MBD5: variants seen among roughly 807,000 people sequenced by gnomAD.
MBD5 encodes the protein methyl-CpG binding domain protein 5, also known as methyl-CpG-binding domain protein 5.
Under a neutral mutation model 117.3 loss-of-function variants are expected in MBD5, and 13 were observed. The observed-to-expected ratio is 0.11, with a 90% CI of 0.07 to 0.18. The LOEUF is 0.18. MBD5 is among the 10% of genes least tolerant of loss of function. The pLI, the probability that MBD5 is intolerant of heterozygous loss-of-function variation, is 1.00. For missense variants in MBD5, 1,879 were observed against 2,093.8 expected, an observed-to-expected ratio of 0.90 and a Z score of 2.00; for synonymous variants, 727 against 766.4, an observed-to-expected ratio of 0.95 and a Z score of 0.85.
At chr2:148,231,499 G>A (rs567441970) in intron 2 of MBD5, among the ~76,000 whole-genome samples, 25 of 152,222 alleles carry the variant, frequency 1.6e-4, no homozygotes, top group African/African-American at 5.8e-4. Context: ...TGAAGTTAAA[G>A]CCAGGTACTG....
intron 1 of MBD5, among the ~76,000 whole-genome samples, chr2:148,176,295 TAG>T (rs1362270059): frequency 6.8e-6 from 1 of 147,444 alleles, no homozygotes; most frequent in Non-Finnish European, 1.5e-5. Flanking sequence ...CTCTGTTTAT[TAG>T]AGTTTTGTTT....
chr2:148,057,861 G>C (rs1376885020), intron 1 of MBD5, among the ~76,000 whole-genome samples: 1 of 128,504 alleles, frequency 7.8e-6, no homozygotes, highest in African/African-American at 2.6e-5. Flanking sequence ...AACTTACTGA[G>C]TTGTTGTTGT....
Position 148,077,521 on chromosome 2 carries a change from C to T in MBD5, c.-925+55837C>T. 1.3e-5 allele frequency among the ~76,000 whole-genome samples: 2 copies of T among 152,128 alleles called. 1 individual carries two copies. The highest frequency in any genetic ancestry group is 1.3e-4 in the Admixed American group (2 of 15,276). On this transcript the variant is annotated intron_variant, in intron 1 of 13. Coordinates refer to ENST00000642680, the MANE Select transcript of MBD5 (RefSeq NM_001378120.1). ...ACATAGAAGTAGATTTTTATCTTCT[C>T]TACTATGGACTGGGTAACTCTATTG... is the stretch of plus-strand genomic sequence containing the variant.
chr2:148,071,666 A>G (rs1695362549), intron 1 of MBD5: 1 of 152,214 alleles, frequency 6.6e-6, no homozygotes. Flanking sequence ...TTGCTCTGTG[A>G]TAATTCAGCA....
At chr2:148,245,701 A>G (rs546711520) in intron 3 of MBD5, among the ~76,000 whole-genome samples, 1 of 152,256 alleles carries the variant, frequency 6.6e-6, no homozygotes, top group Admixed American at 6.5e-5. Flanking sequence ...CTAGGTTCAC[A>G]GTTATTTTCT....
At chr2:148,221,803 G>C (rs551169823) in intron 2 of MBD5, among the ~76,000 whole-genome samples, 1 of 151,934 alleles carries the variant, frequency 6.6e-6, no homozygotes, top group Admixed American at 6.6e-5. Flanking sequence ...GCCTGTGCTC[G>C]TAGGGTATTA....
At chr2:148,058,305 A>G (rs1042078887) in intron 1 of MBD5, among the ~76,000 whole-genome samples, 15 of 152,086 alleles carry the variant, frequency 9.9e-5, no homozygotes, top group African/African-American at 3.6e-4. Flanking sequence ...TAGTGAATCC[A>G]GTACTGAAAT....
chr2:148,083,136 T>C (rs1695689088), intron 1 of MBD5, among the ~76,000 whole-genome samples: 1 of 152,238 alleles, frequency 6.6e-6, no homozygotes, highest in South Asian at 2.1e-4. Context: ...AAGCTGAATG[T>C]CTAAAACCTG....
intron 4 of MBD5, among the ~76,000 whole-genome samples, chr2:148,397,325 CTTTTTTTTTTTTTT>C (rs34236548): frequency 0.16 from 16,191 of 102,158 alleles, 1,162 homozygotes; most frequent in African/African-American, 0.25. Context: ...TCTTCTGATC[CTTTTTTTTTTTTTT>C]TTTTTTTTGA....
At chr2:148,223,970 C>T (rs1402591014) in intron 2 of MBD5, among the ~76,000 whole-genome samples, 4 of 151,962 alleles carry the variant, frequency 2.6e-5, no homozygotes, top group African/African-American at 9.7e-5. Context: ...TTTTAATTTC[C>T]TCATTGACCC....
At chr2:148,207,740 G>A (rs963453299) in intron 2 of MBD5, among the ~76,000 whole-genome samples, 2 of 149,852 alleles carry the variant, frequency 1.3e-5, no homozygotes, top group African/African-American at 2.5e-5. Flanking sequence ...TAGATGACAC[G>A]ATTATATACC....
intron 2 of MBD5, among the ~76,000 whole-genome samples, chr2:148,190,798 G>A (rs9710857): frequency 2.0e-5 from 1 of 49,460 alleles, no homozygotes; most frequent in Non-Finnish European, 4.2e-5. Context: ...TGCAATTAAA[G>A]GACACAGACT....
chr2:148,117,642 A>C (rs1696673964), intron 1 of MBD5, among the ~76,000 whole-genome samples: 1 of 152,156 alleles, frequency 6.6e-6, no homozygotes, highest in Admixed American at 6.5e-5. Context: ...GGATGGAGAA[A>C]AAATTTGCCT....
chr2:148,377,335 T>TG (rs1361102490), intron 4 of MBD5, among the ~76,000 whole-genome samples: 1 of 152,092 alleles, frequency 6.6e-6, no homozygotes, highest in Admixed American at 6.6e-5. Flanking sequence ...AGGTTAAGGG[T>TG]GGGTCTGCCT....
chr2:148,130,292 A>G (rs1185427669), intron 1 of MBD5, among the ~76,000 whole-genome samples: 1 of 152,166 alleles, frequency 6.6e-6, no homozygotes, highest in African/African-American at 2.4e-5. Context: ...GATTAGAACT[A>G]CTGTACTTCT....
At chr2:148,111,886 C>G (rs1696511210) in intron 1 of MBD5, among the ~76,000 whole-genome samples, 1 of 151,988 alleles carries the variant, frequency 6.6e-6, no homozygotes, top group African/African-American at 2.4e-5. Flanking sequence ...AAATTAGAGA[C>G]ACAGATTAAC....
In MBD5 at chr2:148,276,341, A is replaced by G. The variant is rs139615648; in HGVS notation, c.-680+42946A>G. Among the ~76,000 whole-genome samples, 63 of 152,268 alleles carry G rather than the reference A, an allele frequency of 4.1e-4. 3 individuals carry two copies. In the East Asian group the frequency reaches 0.012, roughly 29 times the overall value. Reference sequence around the variant, plus strand: ...TCTAAAATAAATAAATAAAAATAGAACTTTATTTAGAAAAATGTCAAAGCT... The same window carrying G: ...TCTAAAATAAATAAATAAAAATAGAGCTTTATTTAGAAAAATGTCAAAGCT... On this transcript the variant is annotated intron_variant, in intron 3 of 13. Coordinates refer to ENST00000642680, the MANE Select transcript of MBD5 (RefSeq NM_001378120.1).
intron 11 of MBD5, among the ~76,000 whole-genome samples, chr2:148,497,139 G>C (rs1489568166): frequency 1.3e-5 from 2 of 151,614 alleles, no homozygotes; most frequent in East Asian, 1.9e-4. Flanking sequence ...TTCTACTTCA[G>C]AGCTATATTT....
rs1342614023 is a variant in MBD5 at position 148,416,024 on chromosome 2, G to A, written c.-556-42179G>A. 2.0e-5 allele frequency among the ~76,000 whole-genome samples: 3 copies of A among 152,162 alleles called. No individual in the cohort carries two copies. The South Asian group carries it at 6.2e-4, about 32-fold the overall frequency. On this transcript the variant is annotated intron_variant, in intron 4 of 13. Transcript: ENST00000642680. ...AAGGAACTGGTGCCATCGTTTGGAG[G>A]TAAGAAGATGCTCTGGGTTTTTTTG...
Sources: gnomAD v4.1 joint callset for allele counts (sites outside exome capture counted in the v4.1 genomes callset) on GRCh38, gnomAD v4.1.1 for gene constraint, MANE v1.5 for transcripts, NCBI Gene and HGNC (gene_info 2026-07-23, HGNC 2026-07-21) for gene names.